FLT1: variants seen among roughly 807,000 people sequenced by gnomAD.
The protein encoded by FLT1 is vascular endothelial growth factor receptor 1.
FLT1 carries 49 observed loss-of-function variants against 156.3 expected under a neutral mutation model. The ratio of observed to expected loss-of-function variants is 0.31; its 90% CI spans 0.25 to 0.40. The LOEUF (loss-of-function observed/expected upper bound fraction) is 0.40, where lower values mean the gene tolerates loss of function less well. Ranked by LOEUF, FLT1 falls within the 10% of genes least tolerant of loss-of-function variation. FLT1 has a pLI of 1.00. For missense variants in FLT1, 1,322 were observed against 1,637.2 expected (o/e 0.81, Z 3.32); for synonymous variants, 594 against 583.8 (o/e 1.02, Z -0.25).
Position 28,434,130 on chromosome 13 carries a change from T to C in FLT1, c.604A>G (p.Ile202Val). 1 of 1,614,186 alleles carries C rather than the reference T, an allele frequency of 6.2e-7. No homozygotes were observed. Among genetic ancestry groups the C allele is most frequent in the Non-Finnish European group, 8.5e-7 (1 of 1,180,004 alleles). The change falls in exon 5 of 30, where the codon ATA becomes GTA. Residue 202 changes from isoleucine (I) to valine (V), a missense_variant. By Grantham distance (29) the Ile-to-Val change is conservative. Transcript: ENST00000282397. ...GTTGCTTCACAGGTCAGAAGCCCTA[T>C]TTCTTTGTACGTTGCATTTGATATG... ...FIISNATYKEIGLLTCEATVN... is the reference protein window; with the variant it reads ...FIISNATYKEVGLLTCEATVN...
intron 1 of FLT1, among the ~76,000 whole-genome samples, chr13:28,480,269 C>A (rs1428981352): frequency 6.6e-6 from 1 of 152,100 alleles, no homozygotes; most frequent in Admixed American, 6.6e-5. Context: ...AACATTTATT[C>A]TTTCATTTAA....
chr13:28,372,380 G>A (rs927161786), intron 14 of FLT1, among the ~76,000 whole-genome samples: 10 of 149,454 alleles, frequency 6.7e-5, no homozygotes, highest in African/African-American at 2.5e-4. Flanking sequence ...CACTGCATCC[G>A]GCCATATATT....
chr13:28,319,344 G>T, intron 24 of FLT1, 79 bp downstream of exon 24: 1 of 956,398 alleles, frequency 1.0e-6, no homozygotes, highest in African/African-American at 1.6e-5. Flanking sequence ...TCTAAAGGCT[G>T]TCTAACCAAA....
In FLT1 at chr13:28,412,334, C is replaced by CT. The variant is rs1320286283; in HGVS notation, c.1437-6441dup. ...CTTTCTTTCTTTCTTTCTTTCTTTT[C>CT]TTTCTTTCTTTCTTTCTCTTTCTTT... On this transcript the variant is annotated intron_variant, in intron 10 of 29. Coordinates refer to ENST00000282397, the MANE Select transcript of FLT1 (RefSeq NM_002019.4). Among the ~76,000 whole-genome samples, 238 of 59,182 alleles carry CT rather than the reference C, an allele frequency of 4.0e-3. 12 individuals carry two copies. The highest frequency in any genetic ancestry group is 0.012 in the African/African-American group (217 of 17,376). The allele number at this position is 59,182 out of a possible 152,430, so 38.8% of individuals were successfully genotyped here.
chr13:28,490,729 C>T (rs1393272718), intron 1 of FLT1, among the ~76,000 whole-genome samples: 1 of 152,184 alleles, frequency 6.6e-6, no homozygotes, highest in Admixed American at 6.5e-5. Context: ...ATGGTCTATA[C>T]TTTTAACTAC....
intron 14 of FLT1, among the ~76,000 whole-genome samples, chr13:28,379,694 C>T (rs190226866): frequency 6.6e-6 from 1 of 152,192 alleles, no homozygotes; most frequent in African/African-American, 2.4e-5. Context: ...CGTTCACATG[C>T]GTTCCAGGGC....
chr13:28,372,086 T>A (rs1873627522), intron 14 of FLT1, among the ~76,000 whole-genome samples: 1 of 111,280 alleles, frequency 9.0e-6, no homozygotes, highest in African/African-American at 3.7e-5. Context: ...ATTTTTTTTT[T>A]TTTTTTTTTT....
At chr13:28,395,207 A>ATGTAG (rs912123377) in intron 12 of FLT1, among the ~76,000 whole-genome samples, 1 of 152,136 alleles carries the variant, frequency 6.6e-6, no homozygotes, top group Non-Finnish European at 1.5e-5. Context: ...TGTTTGCTTG[A>ATGTAG]TGTAGAACTT....
intron 25 of FLT1, among the ~76,000 whole-genome samples, chr13:28,316,829 G>A (rs1871230005): frequency 6.6e-6 from 1 of 151,890 alleles, no homozygotes; most frequent in South Asian, 2.1e-4. Context: ...CACCATGTCG[G>A]CCAGGCTAGT....
In FLT1 at chr13:28,467,082, T is replaced by C. The variant is rs956827111; in HGVS notation, c.209A>G (p.Glu70Gly). ...KWSLPEMVSK[E>G]SERLSITKSA... ...TTTAGTTATGCTCAGCCTTTCGCTT[T>C]CCTTACTCACCATTTCAGGCAAAGA... Residue 70 changes from glutamate (E) to glycine (G), a missense_variant, in exon 3 of 30, where the codon GAA (glutamate) becomes GGA (glycine). Glu to Gly is a moderately conservative substitution (Grantham distance 98). This residue lies in a region of FLT1 where 991 missense variants were observed against 1,254.8 expected (regional missense o/e 0.79). Coordinates refer to ENST00000282397, the MANE Select transcript of FLT1 (RefSeq NM_002019.4). 1.5e-5 allele frequency: 25 copies of C among 1,614,064 alleles called. No homozygotes were observed. Among genetic ancestry groups the C allele is most frequent in the Non-Finnish European group, 2.0e-5 (24 of 1,180,052 alleles).
chr13:28,470,798 C>A (rs996092983), intron 1 of FLT1, among the ~76,000 whole-genome samples: 1 of 152,198 alleles, frequency 6.6e-6, no homozygotes, highest in East Asian at 1.9e-4. Context: ...TCAAGCGATT[C>A]TCCTGCCTCA....
chr13:28,397,605 T>C (rs1250148124), intron 11 of FLT1, among the ~76,000 whole-genome samples: 2 of 152,124 alleles, frequency 1.3e-5, no homozygotes, highest in East Asian at 3.9e-4. Flanking sequence ...CAGGCTGGCC[T>C]TGAACTTCTG....
chr13:28,309,004 A>G, intron 27 of FLT1, 77 bp from the exon 28 acceptor site: 1 of 827,240 alleles, frequency 1.2e-6, no homozygotes, highest in Non-Finnish European at 2.1e-6. Context: ...CACAGGCACC[A>G]TATCCCAGCT....
At chr13:28,362,553 T>C (rs1873148088) in intron 14 of FLT1, among the ~76,000 whole-genome samples, 2 of 152,138 alleles carry the variant, frequency 1.3e-5, no homozygotes, top group Admixed American at 1.3e-4. Flanking sequence ...GCACAGTGGC[T>C]CATGCCTATA....
intron 11 of FLT1, among the ~76,000 whole-genome samples, chr13:28,401,545 C>T (rs929731047): frequency 3.9e-5 from 6 of 152,196 alleles, no homozygotes; most frequent in African/African-American, 1.4e-4. Flanking sequence ...CAGCCTAATT[C>T]CAGCACTCGT....
At chr13:28,410,814 G>T (rs532622764) in intron 10 of FLT1, among the ~76,000 whole-genome samples, 1 of 152,296 alleles carries the variant, frequency 6.6e-6, no homozygotes, top group South Asian at 2.1e-4. Context: ...AGGAAACTGA[G>T]ACTCAGAAAA....
chr13:28,385,542 G>A (rs1029963543), intron 13 of FLT1: 6 of 1,012,010 alleles, frequency 5.9e-6, no homozygotes, highest in African/African-American at 5.2e-5. Context: ...AGACCAAACA[G>A]GAGAATTTCT....
chr13:28,442,222 A>G lies in FLT1; in HGVS notation c.389-3877T>C, dbSNP rs114200228. Among the ~76,000 whole-genome samples the G allele has an allele frequency of 3.6e-3, 545 of 152,336 alleles. 6 individuals are homozygous for G. The highest frequency in any genetic ancestry group is 0.013 in the African/African-American group (521 of 41,574). The stretch of plus-strand genomic sequence containing the variant: ...TTCCTTTCCTTCCTCTTGTGAGTCT[A>G]TATTTTTGTCTCTTTTGTGCATCCC... On this transcript the variant is annotated intron_variant, in intron 3 of 29. Transcript: ENST00000282397.
In FLT1 at chr13:28,494,904, C is replaced by T. The variant is rs978399916; in HGVS notation, c.-61G>A. On this transcript the variant is annotated 5_prime_UTR_variant, in exon 1 of 30. Transcript: ENST00000282397. ...CGCTCCCCGCGGCCAACGACCCGGC[C>T]GCCAGAGTCCGTCCTCTCGTTCGCC... is the stretch of plus-strand genomic sequence containing the variant. 66 of 1,365,296 alleles carry T rather than the reference C, an allele frequency of 4.8e-5. No homozygotes were observed. The highest frequency in any genetic ancestry group is 6.3e-5 in the Non-Finnish European group (64 of 1,011,450). The allele number at this position is 1,365,296 out of a possible 1,614,324, so 84.6% of individuals were successfully genotyped here. A position where few individuals can be genotyped will look rare whatever the true frequency, so the allele number is the denominator to read the frequency against.
Sources: gnomAD v4.1 joint callset for allele counts (sites outside exome capture counted in the v4.1 genomes callset) on GRCh38, gnomAD v4.1.1 for gene constraint, gnomAD v4.1.1 regional missense constraint, MANE v1.5 for transcripts, NCBI Gene and HGNC (gene_info 2026-07-23, HGNC 2026-07-21) for gene names.